DHRSX: variants seen among roughly 807,000 people sequenced by gnomAD.
The protein encoded by DHRSX is dehydrogenase/reductase X-linked, also known as polyprenol dehydrogenase.
A neutral mutation model predicts 34.0 loss-of-function variants in DHRSX; 31 were observed. The observed-to-expected ratio is 0.91, with a 90% CI of 0.69 to 1.23. The LOEUF is 1.23. Ranked by LOEUF, DHRSX falls within the 50% of genes most tolerant of loss-of-function variation. The pLI is 0.00. For missense variants in DHRSX, 414 were observed against 428.1 expected (o/e 0.97, Z 0.29); for synonymous variants, 201 against 183.8 (o/e 1.09, Z -0.76).
At position 2,494,258 on chromosome X, in the gene DHRSX, T is replaced by C. The variant is rs1308660870; in HGVS notation, c.109+6559A>G. Among the ~76,000 whole-genome samples the C allele has an allele frequency of 2.0e-5, 3 of 151,942 alleles. No individual in the cohort carries two copies. In the East Asian group the frequency reaches 5.8e-4, roughly 29 times the overall value. ...AGGTCCTGGTACCTGTAGCAAAGGC[T>C]TATATTATTACATTATTATTATTAT... On this transcript the variant is annotated intron_variant, in intron 1 of 6. Transcript: ENST00000334651.
chrX:2,283,480 C>G (rs1167161328), intron 4 of DHRSX, among the ~76,000 whole-genome samples: 1 of 152,154 alleles, frequency 6.6e-6, no homozygotes, highest in Non-Finnish European at 1.5e-5. Flanking sequence ...GCAACACTTT[C>G]CGTCTTCCCG....
chrX:2,249,109 A>T, intron 5 of DHRSX, among the ~76,000 whole-genome samples: 1 of 152,078 alleles, frequency 6.6e-6, no homozygotes, highest in South Asian at 2.1e-4. Flanking sequence ...CAGACAACCA[A>T]AGGAAGGGCG....
At chrX:2,422,368 T>C (rs1046791535) in intron 2 of DHRSX, among the ~76,000 whole-genome samples, 7 of 152,072 alleles carry the variant, frequency 4.6e-5, no homozygotes, top group Non-Finnish European at 1.0e-4. Context: ...GCTCAAGCGA[T>C]GCTCCCGCCT....
At chrX:2,457,315 A>G (rs2044313409) in intron 1 of DHRSX, among the ~76,000 whole-genome samples, 1 of 150,874 alleles carries the variant, frequency 6.6e-6, no homozygotes, top group South Asian at 2.1e-4. Flanking sequence ...ACTGTGTAGA[A>G]ACTGAAGATG....
intron 3 of DHRSX, among the ~76,000 whole-genome samples, chrX:2,336,032 GAC>G (rs2042556535): frequency 6.6e-6 from 1 of 151,824 alleles, no homozygotes; most frequent in African/African-American, 2.4e-5. Context: ...TTGTCGTTGA[GAC>G]AGAGTCTTGC....
At chrX:2,300,375 C>A (rs1474190402) in intron 3 of DHRSX, among the ~76,000 whole-genome samples, 1 of 152,096 alleles carries the variant, frequency 6.6e-6, no homozygotes, top group Non-Finnish European at 1.5e-5. Flanking sequence ...GAAACACACA[C>A]CAGGTGTGAT....
chrX:2,466,051 C>T (rs1449361692), intron 1 of DHRSX, among the ~76,000 whole-genome samples: 1 of 152,148 alleles, frequency 6.6e-6, no homozygotes, highest in Non-Finnish European at 1.5e-5. Flanking sequence ...CTGAACACGA[C>T]GCCTGTTACA....
At chrX:2,475,855 C>T (rs1168312606) in intron 1 of DHRSX, among the ~76,000 whole-genome samples, 1 of 152,178 alleles carries the variant, frequency 6.6e-6, no homozygotes, top group Non-Finnish European at 1.5e-5. Flanking sequence ...CATGACTAGC[C>T]ACAAACCCAG....
chrX:2,372,979 C>T (rs112068935), intron 3 of DHRSX, among the ~76,000 whole-genome samples: 3 of 152,132 alleles, frequency 2.0e-5, no homozygotes, highest in Non-Finnish European at 2.9e-5. Context: ...TTCATTCTCA[C>T]GCTGCTGATA....
rs2041618415 is a variant in DHRSX at position 2,275,599 on chromosome X, T to TCCCA, written c.389-8656_389-8653dup. On this transcript the variant is annotated intron_variant, in intron 4 of 6. Coordinates refer to ENST00000334651, the MANE Select transcript of DHRSX (RefSeq NM_145177.3). Reference sequence around the variant, plus strand: ...CACTCTCCCCTCTCAGGTAACCGCCTCCCACATCTGCACCCCTAAGCCCTT... The same window carrying TCCCA: ...CACTCTCCCCTCTCAGGTAACCGCCTCCCACCCACATCTGCACCCCTAAGCCCTT... Among the ~76,000 whole-genome samples, 4 of 151,720 alleles carry TCCCA rather than the reference T, an allele frequency of 2.6e-5. No homozygotes were observed. In the South Asian group the frequency reaches 8.3e-4, roughly 32 times the overall value.
intron 1 of DHRSX, among the ~76,000 whole-genome samples, chrX:2,430,246 G>A (rs1306752612): frequency 1.0e-4 from 11 of 108,600 alleles, no homozygotes; most frequent in East Asian, 2.9e-4. Context: ...GCAAGGTAGC[G>A]AGACCCCAGC....
chrX:2,341,034 C>T (rs1260552518), intron 3 of DHRSX, among the ~76,000 whole-genome samples: 1 of 152,038 alleles, frequency 6.6e-6, no homozygotes, highest in Non-Finnish European at 1.5e-5. Flanking sequence ...TTCAGCAAAT[C>T]AAGGCAGGGG....
chrX:2,265,061 G>C (rs1045436876), intron 5 of DHRSX, among the ~76,000 whole-genome samples: 2 of 146,844 alleles, frequency 1.4e-5, no homozygotes, highest in East Asian at 2.1e-4. Context: ...AGGGAGCACT[G>C]TCCCCAGAGC....
At chrX:2,238,525 T>C (rs760425142) in intron 6 of DHRSX, among the ~76,000 whole-genome samples, 139 of 152,004 alleles carry the variant, frequency 9.1e-4, no homozygotes, top group Non-Finnish European at 1.7e-3. Flanking sequence ...CACAGAGATA[T>C]GTATGTCACA....
At position 2,307,802 on chromosome X, in the gene DHRSX, AT is replaced by A. The variant is rs1488773648; in HGVS notation, c.287-16200del. On this transcript the variant is annotated intron_variant, in intron 3 of 6. Transcript: ENST00000334651. The stretch of plus-strand genomic sequence containing the variant: ...AAGTAATAAAAATAAAAAAAATAAA[AT>A]AAAAAACAAGGAAAAACAAAAGAGT... Among the ~76,000 whole-genome samples, 222 of 144,482 alleles carry A rather than the reference AT, an allele frequency of 1.5e-3. 3 individuals carry two copies. The South Asian group carries it at 0.017, about 11-fold the overall frequency. The allele number at this position is 144,482 out of a possible 152,430, so 94.8% of individuals were successfully genotyped here.
chrX:2,248,380 T>C (rs1377052932), intron 5 of DHRSX, among the ~76,000 whole-genome samples: 20 of 143,284 alleles, frequency 1.4e-4, no homozygotes, highest in Non-Finnish European at 2.3e-4. Context: ...TTGCAGTGAG[T>C]GGAGATTGCG....
intron 5 of DHRSX, among the ~76,000 whole-genome samples, chrX:2,263,027 G>C (rs2124456605): frequency 6.6e-6 from 1 of 152,374 alleles, no homozygotes; most frequent in African/African-American, 2.4e-5. Flanking sequence ...GGTACTCCAG[G>C]GCCTGGGGGT....
chrX:2,249,108 A>T (rs938646330), intron 5 of DHRSX, among the ~76,000 whole-genome samples: 1 of 152,004 alleles, frequency 6.6e-6, no homozygotes, highest in Non-Finnish European at 1.5e-5. Context: ...CCAGACAACC[A>T]AAGGAAGGGC....
intron 1 of DHRSX, chrX:2,490,896 G>A (rs1466342089): frequency 1.4e-5 from 11 of 810,410 alleles, no homozygotes; most frequent in African/African-American, 3.4e-5. Flanking sequence ...GGGGCCGGAC[G>A]GCTGGACCTT....
Sources: gnomAD v4.1 joint callset for allele counts (sites outside exome capture counted in the v4.1 genomes callset) on GRCh38, gnomAD v4.1.1 for gene constraint, MANE v1.5 for transcripts, NCBI Gene and HGNC (gene_info 2026-07-23, HGNC 2026-07-21) for gene names.